Variants in PPP6C observed in about 807,000 individuals in gnomAD.
The protein encoded by PPP6C is serine/threonine-protein phosphatase 6 catalytic subunit.
In PPP6C, 11 loss-of-function variants were observed where a neutral mutation model predicts 39.8. The ratio of observed to expected loss-of-function variants is 0.28; its 90% confidence interval spans 0.17 to 0.46. PPP6C has a LOEUF of 0.46. Among genes scored for constraint, PPP6C ranks in the 20% least tolerant of loss-of-function variants. The pLI is 1.00. For synonymous variants in PPP6C, 129 were observed against 130.3 expected, an observed-to-expected ratio of 0.99 and a Z score of 0.07; for missense variants, 211 against 373.9, an observed-to-expected ratio of 0.56 and a Z score of 3.59.
chr9:125,160,780 T>C (rs1276054605), intron 3 of PPP6C, 61 bp downstream of exon 3: 21 of 1,199,472 alleles, frequency 1.8e-5, no homozygotes, highest in Non-Finnish European at 2.2e-5. Context: ...GCAATTTACA[T>C]TTAATAAGTC....
intron 2 of PPP6C, among the ~76,000 whole-genome samples, chr9:125,165,482 ATTGT>A (rs1233882299): frequency 6.6e-6 from 1 of 152,186 alleles, no homozygotes; most frequent in Non-Finnish European, 1.5e-5. Flanking sequence ...AAACAAAAAA[ATTGT>A]TTAGTGAGAG....
chr9:125,182,172 T>G (rs1012928189), intron 1 of PPP6C, among the ~76,000 whole-genome samples: 4 of 152,232 alleles, frequency 2.6e-5, no homozygotes, highest in African/African-American at 9.6e-5. Flanking sequence ...TCAAGACATT[T>G]GTTCACAGTT....
rs72238242 is a variant in PPP6C, at chr9:125,172,720, A to AACACAC, written c.76-1546_76-1541dup. Among the ~76,000 whole-genome samples, 123 of 144,788 alleles carry AACACAC rather than the reference A, an allele frequency of 8.5e-4. 1 individual carries two copies. In the East Asian group the frequency reaches 0.024, roughly 28 times the overall value. The allele number at this position is 144,788 out of a possible 152,430, so 95.0% of individuals were successfully genotyped here. A position where few individuals can be genotyped will look rare whatever the true frequency, so the allele number is the denominator to read the frequency against. On this transcript the variant is annotated intron_variant, in intron 1 of 6. Coordinates refer to ENST00000373547, the MANE Select transcript of PPP6C (RefSeq NM_002721.5). Reference sequence around the variant, plus strand: ...AACTGCAAAGAACTGAATACACACAAACACACACACACACACACACACACA... The same window carrying AACACAC: ...AACTGCAAAGAACTGAATACACACAAACACACACACACACACACACACACACACACA...
intron 4 of PPP6C, among the ~76,000 whole-genome samples, chr9:125,157,414 G>A (rs1209835692): frequency 6.6e-6 from 1 of 152,122 alleles, no homozygotes; most frequent in Non-Finnish European, 1.5e-5. Flanking sequence ...CAACGATAGA[G>A]GAAAAACTGA....
intron 1 of PPP6C, among the ~76,000 whole-genome samples, chr9:125,174,261 A>T (rs1036230389): frequency 3.3e-5 from 5 of 152,216 alleles, no homozygotes; most frequent in African/African-American, 1.2e-4. Flanking sequence ...ACACTTTAAC[A>T]GTTACAGCTA....
chr9:125,151,456 C>A, intron 6 of PPP6C: 1 of 802,374 alleles, frequency 1.2e-6, no homozygotes, highest in Non-Finnish European at 2.3e-6. Flanking sequence ...TCACCAATAA[C>A]ATACCCCAGG....
intron 1 of PPP6C, among the ~76,000 whole-genome samples, chr9:125,183,756 G>A (rs1233067262): frequency 1.3e-5 from 2 of 152,014 alleles, no homozygotes; most frequent in African/African-American, 2.4e-5. Context: ...TCTGCCCCTC[G>A]TAACTGCTCC....
At position 125,147,908 on chromosome 9, in the gene PPP6C, T is replaced by A. The variant is rs1321071895; in HGVS notation, c.*1765A>T. The stretch of plus-strand genomic sequence containing the variant: ...AATTAGTAAAATACATAGCTACATA[T>A]CCCTGTGAGATAAAAATACCTTTCC... On this transcript the variant is annotated 3_prime_UTR_variant, in exon 7 of 7. Coordinates refer to ENST00000373547, the MANE Select transcript of PPP6C (RefSeq NM_002721.5). 1.1e-5 allele frequency: 2 copies of A among 186,226 alleles called. No homozygotes were observed. Among genetic ancestry groups the A allele is most frequent in the Admixed American group, 4.2e-5 (1 of 23,636 alleles). The allele number at this position is 186,226 out of a possible 1,614,324, so 11.5% of individuals were successfully genotyped here.
chr9:125,166,535 C>CTTTTTTTT (rs1169190980), intron 2 of PPP6C, among the ~76,000 whole-genome samples: 22 of 134,428 alleles, frequency 1.6e-4, no homozygotes, highest in South Asian at 4.7e-4. Context: ...TTTTCTTTTT[C>CTTTTTTTT]TTTTTTTTTT....
intron 4 of PPP6C, among the ~76,000 whole-genome samples, chr9:125,157,856 C>T (rs1360210806): frequency 6.6e-6 from 1 of 151,882 alleles, no homozygotes; most frequent in Non-Finnish European, 1.5e-5. Context: ...ACGCTCAGCT[C>T]ATTTTTGTAT....
chr9:125,150,824 T>C (rs1835918289), intron 6 of PPP6C: 2 of 758,804 alleles, frequency 2.6e-6, no homozygotes, highest in East Asian at 2.8e-5. Flanking sequence ...TTCAGAGTGG[T>C]TGTGGCAAAA....
At chr9:125,171,478 C>CATAT (rs59002869) in intron 1 of PPP6C, among the ~76,000 whole-genome samples, 1,782 of 82,998 alleles carry the variant, frequency 0.021, 24 homozygotes, top group African/African-American at 0.027. Flanking sequence ...CACACACACA[C>CATAT]ATATATATAT....
rs35012554 is a variant in PPP6C, at chr9:125,149,730, T to C, written c.861A>G (p.Ala287=). ...GAATAACACGTTCTGAATCTGGAAC[T>C]GCCCGGAATAACTTTGGTTCTCTTG... is the stretch of plus-strand genomic sequence containing the variant. ...VNTREPKLFR[A]VPDSERVIPP... Residue 287 remains alanine, a synonymous_variant, in exon 7 of 7, where the codon GCA becomes GCG. Coordinates refer to ENST00000373547, the MANE Select transcript of PPP6C (RefSeq NM_002721.5). 6 of 1,614,074 alleles carry C rather than the reference T, an allele frequency of 3.7e-6. No individual in the cohort carries two copies. The highest frequency in any genetic ancestry group is 1.7e-5 in the Admixed American group (1 of 60,000).
At chr9:125,179,096 T>A (rs1344078672) in intron 1 of PPP6C, among the ~76,000 whole-genome samples, 3 of 151,270 alleles carry the variant, frequency 2.0e-5, no homozygotes, top group Admixed American at 6.6e-5. Context: ...ATGCCTATAA[T>A]CCCAGCTACT....
rs543926172 is a variant in PPP6C, at chr9:125,182,817, G to A, written c.75+6827C>T. Among the ~76,000 whole-genome samples the A allele has an allele frequency of 2.7e-5, 4 of 150,336 alleles. No individual in the cohort carries two copies. In the South Asian group the frequency reaches 6.4e-4, roughly 24 times the overall value. On this transcript the variant is annotated intron_variant, in intron 1 of 6. Transcript: ENST00000373547. ...GCTGTGACAACCAAAAATGTCTCCA[G>A]ACACTGCCAAAAATTCTTTGGGGGG...
chr9:125,149,661 TG>T lies in PPP6C; in HGVS notation c.*11del, dbSNP rs1353140205. The T allele has an allele frequency of 6.2e-7, 1 of 1,611,362 alleles. No homozygotes were observed. The highest frequency in any genetic ancestry group is 1.7e-5 in the Admixed American group (1 of 59,948). On this transcript the variant is annotated 3_prime_UTR_variant, in exon 7 of 7. Transcript: ENST00000373547. Reference sequence around the variant, plus strand: ...AGGGCAGAAAAATGGGTCAGCAGGATGGGCGAAGGCCTCAAAGGAAATATGG... The same window carrying T: ...AGGGCAGAAAAATGGGTCAGCAGGATGGCGAAGGCCTCAAAGGAAATATGG...
chr9:125,178,540 C>A (rs1829354406), intron 1 of PPP6C, among the ~76,000 whole-genome samples: 1 of 152,100 alleles, frequency 6.6e-6, no homozygotes, highest in Non-Finnish European at 1.5e-5. Context: ...ACAAACCAGG[C>A]AAGTAGGCTA....
rs10684647 is a variant in PPP6C, at chr9:125,164,218, C to CTTTTT, written c.172-3317_172-3313dup. Among the ~76,000 whole-genome samples the CTTTTT allele has an allele frequency of 1.1e-4, 8 of 74,796 alleles. 1 individual carries two copies. Among genetic ancestry groups the CTTTTT allele is most frequent in the African/African-American group, 2.2e-4 (4 of 18,364 alleles). The allele number at this position is 74,796 out of a possible 152,430, so 49.1% of individuals were successfully genotyped here. ...CTACTCTATGTCTCTCCCTCACTCT[C>CTTTTT]TTTTTTTTTTTTTTTTTTTTTTTTT... On this transcript the variant is annotated intron_variant, in intron 2 of 6. Transcript: ENST00000373547.
intron 4 of PPP6C, among the ~76,000 whole-genome samples, chr9:125,157,266 C>T (rs932306720): frequency 2.0e-5 from 3 of 151,996 alleles, no homozygotes; most frequent in Non-Finnish European, 4.4e-5. Flanking sequence ...CAGGGGTGAG[C>T]CACTGCGCCT....
Sources: gnomAD v4.1 joint callset for allele counts (sites outside exome capture counted in the v4.1 genomes callset) on GRCh38, gnomAD v4.1.1 for gene constraint, MANE v1.5 for transcripts, NCBI Gene and HGNC (gene_info 2026-07-23, HGNC 2026-07-21) for gene names.